The following ST6GALNAC3 variants were observed in gnomAD, a reference collection of about 807,000 sequenced individuals.
ST6GALNAC3 encodes ST6 N-acetylgalactosaminide alpha-2,6-sialyltransferase 3, also known as alpha-N-acetylgalactosaminide alpha-2,6-sialyltransferase 3.
In ST6GALNAC3, 25 loss-of-function variants were observed where a neutral mutation model predicts 32.7. The ratio of observed to expected loss-of-function variants is 0.76; its 90% CI spans 0.56 to 1.07. ST6GALNAC3 has a LOEUF of 1.07. ST6GALNAC3 is among the 50% of genes least tolerant of loss of function. ST6GALNAC3 has a pLI of 0.00. For synonymous variants in ST6GALNAC3, 129 were observed against 133.1 expected, an observed-to-expected ratio of 0.97 and a Z score of 0.21; for missense variants, 355 against 382.4, an observed-to-expected ratio of 0.93 and a Z score of 0.60.
At chr1:76,499,598 G>A (rs193300044) in intron 3 of ST6GALNAC3, among the ~76,000 whole-genome samples, 4 of 152,154 alleles carry the variant, frequency 2.6e-5, no homozygotes, top group Admixed American at 1.3e-4. Flanking sequence ...GTGGAGGGGA[G>A]GGGTCCTTAG....
At chr1:76,573,601 T>C (rs905645643) in intron 3 of ST6GALNAC3, among the ~76,000 whole-genome samples, 2 of 151,730 alleles carry the variant, frequency 1.3e-5, no homozygotes, top group Non-Finnish European at 2.9e-5. Context: ...TCCATGCTTG[T>C]AGAGATGTTC....
intron 2 of ST6GALNAC3, among the ~76,000 whole-genome samples, chr1:76,339,112 TG>T (rs1320719127): frequency 6.6e-6 from 1 of 152,162 alleles, no homozygotes; most frequent in Non-Finnish European, 1.5e-5. Flanking sequence ...ATTTACTGAG[TG>T]ATCCTGAGAG....
At chr1:76,481,744 T>C (rs1659735946) in intron 3 of ST6GALNAC3, among the ~76,000 whole-genome samples, 2 of 152,178 alleles carry the variant, frequency 1.3e-5, no homozygotes, top group Admixed American at 6.6e-5. Context: ...TTAAAGTGTA[T>C]TGTGTATGTG....
rs1214298018 is a variant in ST6GALNAC3 at position 76,074,889 on chromosome 1, C to T, written c.18+5C>T. On this transcript the variant is annotated splice_donor_5th_base_variant and intron_variant, in intron 1 of 4. Coordinates refer to ENST00000328299, the MANE Select transcript of ST6GALNAC3 (RefSeq NM_152996.4). ...GCCATGGCCTGCATCCTGAAGGTAA[C>T]GACTTGGATCTGTGGCTCGGACGCG... 3 of 1,596,802 alleles carry T rather than the reference C, an allele frequency of 1.9e-6. No homozygotes were observed. Among genetic ancestry groups the T allele is most frequent in the Non-Finnish European group, 2.6e-6 (3 of 1,172,138 alleles).
intron 2 of ST6GALNAC3, among the ~76,000 whole-genome samples, chr1:76,381,886 A>G (rs1333216156): frequency 6.6e-6 from 1 of 152,200 alleles, no homozygotes; most frequent in African/African-American, 2.4e-5. Flanking sequence ...GCAGATTTCT[A>G]CACCACACTA....
chr1:76,432,096 C>G (rs1021463269), intron 3 of ST6GALNAC3, among the ~76,000 whole-genome samples: 5 of 152,122 alleles, frequency 3.3e-5, no homozygotes, highest in Admixed American at 6.6e-5. Context: ...GAATCCTTTT[C>G]AGACTAGATT....
At chr1:76,490,339 A>T (rs564769786) in intron 3 of ST6GALNAC3, among the ~76,000 whole-genome samples, 1 of 152,108 alleles carries the variant, frequency 6.6e-6, no homozygotes, top group South Asian at 2.1e-4. Context: ...CTTAAAAAAA[A>T]ATCTGCATTT....
At chr1:76,486,115 A>G (rs1660093539) in intron 3 of ST6GALNAC3, among the ~76,000 whole-genome samples, 1 of 152,184 alleles carries the variant, frequency 6.6e-6, no homozygotes, top group Admixed American at 6.5e-5. Flanking sequence ...CTGTTCTTTT[A>G]CATTTGCTAA....
At chr1:76,578,135 T>C (rs1043211716) in intron 3 of ST6GALNAC3, among the ~76,000 whole-genome samples, 1 of 152,102 alleles carries the variant, frequency 6.6e-6, no homozygotes, top group Non-Finnish European at 1.5e-5. Context: ...TTGAGGTGTT[T>C]CTGGGATGTA....
intron 1 of ST6GALNAC3, among the ~76,000 whole-genome samples, chr1:76,201,778 A>G (rs954419562): frequency 6.6e-6 from 1 of 152,146 alleles, no homozygotes; most frequent in Admixed American, 6.6e-5. Context: ...AAGGAGATAA[A>G]CAAGTGCCTT....
At chr1:76,167,524 T>C (rs1652199773) in intron 1 of ST6GALNAC3, among the ~76,000 whole-genome samples, 1 of 152,080 alleles carries the variant, frequency 6.6e-6, no homozygotes, top group Non-Finnish European at 1.5e-5. Context: ...AAGGGAGGAG[T>C]CACTCTACCT....
chr1:76,326,767 T>C (rs1647078318), intron 2 of ST6GALNAC3, among the ~76,000 whole-genome samples: 1 of 151,674 alleles, frequency 6.6e-6, no homozygotes, highest in Non-Finnish European at 1.5e-5. Flanking sequence ...ATTTTATATA[T>C]GTTTTCCTGC....
At chr1:76,348,302 C>A (rs554850361) in intron 2 of ST6GALNAC3, among the ~76,000 whole-genome samples, 2 of 152,276 alleles carry the variant, frequency 1.3e-5, no homozygotes, top group South Asian at 4.1e-4. Context: ...TGTCAGAGAT[C>A]ACCTGTGATT....
At chr1:76,334,756 A>T (rs1647329449) in intron 2 of ST6GALNAC3, among the ~76,000 whole-genome samples, 1 of 152,248 alleles carries the variant, frequency 6.6e-6, no homozygotes, top group Non-Finnish European at 1.5e-5. Flanking sequence ...AGCAATTTTT[A>T]AATTTTAATA....
At chr1:76,615,027 A>G (rs906097076) in intron 3 of ST6GALNAC3, among the ~76,000 whole-genome samples, 1 of 151,954 alleles carries the variant, frequency 6.6e-6, no homozygotes, top group African/African-American at 2.4e-5. Context: ...CCTATAGGAG[A>G]TTTTTGTCTT....
At chr1:76,235,917 C>T (rs986258368) in intron 1 of ST6GALNAC3, among the ~76,000 whole-genome samples, 3 of 151,318 alleles carry the variant, frequency 2.0e-5, no homozygotes, top group African/African-American at 7.3e-5. Context: ...ACAATGGTAC[C>T]AGTCATGTTG....
chr1:76,588,753 G>A lies in ST6GALNAC3; in HGVS notation c.624-38699G>A, dbSNP rs190216935. 3.9e-5 allele frequency among the ~76,000 whole-genome samples: 6 copies of A among 152,274 alleles called. No homozygotes were observed. In the East Asian group the frequency reaches 1.2e-3, roughly 29 times the overall value. On this transcript the variant is annotated intron_variant, in intron 3 of 4. Transcript: ENST00000328299. ...GAGGCATTTCCAGCAGGAAGAAGCT[G>A]TGTCTTCTGTGGCTCCACTCCCAGT...
chr1:76,090,230 T>C (rs1647025776), intron 1 of ST6GALNAC3, among the ~76,000 whole-genome samples: 1 of 152,232 alleles, frequency 6.6e-6, no homozygotes, highest in Non-Finnish European at 1.5e-5. Context: ...GATTATCTTT[T>C]AAAAGTTAAG....
intron 3 of ST6GALNAC3, among the ~76,000 whole-genome samples, chr1:76,615,674 A>G (rs1420445713): frequency 6.6e-6 from 1 of 152,152 alleles, no homozygotes; most frequent in Non-Finnish European, 1.5e-5. Flanking sequence ...GAGATACAAC[A>G]TTTTCATATT....
Sources: allele counts gnomAD v4.1 joint callset (sites outside exome capture counted in the v4.1 genomes callset), GRCh38; gene constraint gnomAD v4.1.1; transcripts MANE v1.5; gene names NCBI Gene and HGNC (gene_info 2026-07-23, HGNC 2026-07-21).